The following SLC9A1 variants were observed in gnomAD, a reference collection of about 807,000 sequenced individuals.
The protein encoded by SLC9A1 is solute carrier family 9 member A1.
SLC9A1 carries 22 observed loss-of-function variants against 67.9 expected under a neutral mutation model. The ratio of observed to expected loss-of-function variants is 0.32; its 90% CI spans 0.23 to 0.46. The LOEUF (loss-of-function observed/expected upper bound fraction) is 0.46. Among genes scored for constraint, SLC9A1 ranks in the 20% least tolerant of loss-of-function variants. The probability of loss-of-function intolerance (pLI) is 1.00; values close to 1 mark genes in which losing one functional copy is unlikely to be tolerated. For synonymous variants in SLC9A1, 421 were observed against 471.8 expected, an observed-to-expected ratio of 0.89 and a Z score of 1.40; for missense variants, 686 against 1,094.8, an observed-to-expected ratio of 0.63 and a Z score of 5.27.
Position 27,118,332 on chromosome 1 carries a change from C to T in SLC9A1, c.353-4046G>A, listed in dbSNP as rs2083285016. On this transcript the variant is annotated intron_variant, in intron 1 of 11. Transcript: ENST00000263980. This position sits in a 1 kb window ranked among gnomAD's most constrained non-coding sequence, Gnocchi z 4.3. ...GGGTAGGTGGCACATTATTGGAAAGCACTTCTAGGGCTGGGGGAGGAAGGG... is the reference window on the plus strand; with the variant it reads ...GGGTAGGTGGCACATTATTGGAAAGTACTTCTAGGGCTGGGGGAGGAAGGG... Among the ~76,000 whole-genome samples, 1 of 152,210 alleles carries T rather than the reference C, an allele frequency of 6.6e-6. No homozygotes were observed. Among genetic ancestry groups the T allele is most frequent in the Non-Finnish European group, 1.5e-5 (1 of 68,038 alleles).
chr1:27,114,126 C>T lies in SLC9A1; in HGVS notation c.513G>A (p.Leu171=). The change falls in exon 2 of 12, where the codon CTG becomes CTA. Residue 171 remains leucine, a synonymous_variant. Transcript: ENST00000263980. The surrounding 1 kb of genome is among the most constrained non-coding windows in gnomAD (Gnocchi z 5.4). ...GCAGTGGCAGGAAGTAGCCCGCATC[C>T]AGGATGATGGGCGGCAGCAGGAAGA... The part of the protein sequence containing the change: ...FFLFLLPPII[L]DAGYFLPLRQ... The T allele has an allele frequency of 6.2e-7, 1 of 1,614,194 alleles. No individual in the cohort carries two copies. The highest frequency in any genetic ancestry group is 2.2e-5 in the East Asian group (1 of 44,884).
At chr1:27,134,176 G>A (rs530001799) in intron 1 of SLC9A1, among the ~76,000 whole-genome samples, 2 of 152,226 alleles carry the variant, frequency 1.3e-5, no homozygotes, top group East Asian at 3.9e-4. Context: ...ACCCTCCAGG[G>A]GAGTTCCCAC....
At chr1:27,133,345 C>T (rs895981600) in intron 1 of SLC9A1, among the ~76,000 whole-genome samples, 10 of 152,006 alleles carry the variant, frequency 6.6e-5, no homozygotes, top group African/African-American at 2.2e-4. Context: ...GCTGTGATTA[C>T]AGGCATGAGC....
chr1:27,152,098 T>C (rs1436960607), intron 1 of SLC9A1, among the ~76,000 whole-genome samples: 1 of 152,216 alleles, frequency 6.6e-6, no homozygotes, highest in Non-Finnish European at 1.5e-5. Context: ...CAGGTTTTCC[T>C]GACTTCTAGA....
rs768797791 is a variant in SLC9A1, at chr1:27,154,026, G to A, written c.309C>T (p.Phe103=). 2.2e-5 allele frequency: 35 copies of A among 1,595,628 alleles called. 1 individual carries two copies. The South Asian group carries it at 3.6e-4, about 16-fold the overall frequency. ...CCAGAAGGATCCAGAGGGAGATCTC[G>A]AAGGGGGTGCGCACGTGTGTGTAGT... ...GIDYTHVRTP[F]EISLWILLAC... The change falls in exon 1 of 12, where the codon TTC becomes TTT. Residue 103 remains phenylalanine (F), a synonymous_variant. Coordinates refer to ENST00000263980, the MANE Select transcript of SLC9A1 (RefSeq NM_003047.5).
At chr1:27,143,524 G>A (rs2083464602) in intron 1 of SLC9A1, among the ~76,000 whole-genome samples, 1 of 152,176 alleles carries the variant, frequency 6.6e-6, no homozygotes, top group African/African-American at 2.4e-5. Context: ...TTTGAAGCCA[G>A]GGCTCAATGA....
chr1:27,134,698 G>A (rs774153604), intron 1 of SLC9A1, among the ~76,000 whole-genome samples: 60 of 152,262 alleles, frequency 3.9e-4, no homozygotes, highest in African/African-American at 1.1e-3. Context: ...CAAAAGATCC[G>A]ATTTAATTTA....
Position 27,115,820 on chromosome 1 carries a change from T to G in SLC9A1, c.353-1534A>C, listed in dbSNP as rs146732861. 6.2e-3 allele frequency among the ~76,000 whole-genome samples: 941 copies of G among 152,086 alleles called. 3 individuals are homozygous for G. The highest frequency in any genetic ancestry group is 0.014 in the South Asian group (65 of 4,814). On this transcript the variant is annotated intron_variant, in intron 1 of 11. Transcript: ENST00000263980. ...GCTCTGTGCAGGCAGATCCCATAAC[T>G]GCTTATCATTATACACCCAGGGCTA...
chr1:27,132,572 G>A (rs2124188230), intron 1 of SLC9A1, among the ~76,000 whole-genome samples: 1 of 152,258 alleles, frequency 6.6e-6, no homozygotes, highest in African/African-American at 2.4e-5. Context: ...CACAGGGTCA[G>A]GTGAGGACCA....
chr1:27,150,806 G>C (rs901634669), intron 1 of SLC9A1, among the ~76,000 whole-genome samples: 1 of 152,026 alleles, frequency 6.6e-6, no homozygotes, highest in Non-Finnish European at 1.5e-5. Context: ...GAGTCTACCC[G>C]AGGCTCTGCT....
intron 2 of SLC9A1, among the ~76,000 whole-genome samples, chr1:27,110,203 G>A (rs867205830): frequency 2.0e-5 from 3 of 152,334 alleles, no homozygotes; most frequent in Admixed American, 6.5e-5. Flanking sequence ...CTTACCTGAT[G>A]CAGTGTTAGC....
chr1:27,133,699 G>A (rs1318446462), intron 1 of SLC9A1, among the ~76,000 whole-genome samples: 1 of 152,022 alleles, frequency 6.6e-6, no homozygotes, highest in Non-Finnish European at 1.5e-5. Context: ...AGAGGATGTT[G>A]GGCATACTTC....
At chr1:27,113,771 G>T in intron 2 of SLC9A1, 55 bp downstream of exon 2, 1 of 1,329,884 alleles carries the variant, frequency 7.5e-7, no homozygotes, top group Non-Finnish European at 1.1e-6. Context: ...TCACTGGTGG[G>T]CCTGGATTTG....
intron 1 of SLC9A1, among the ~76,000 whole-genome samples, chr1:27,117,874 G>A (rs1316027455): frequency 6.6e-6 from 1 of 152,208 alleles, no homozygotes; most frequent in East Asian, 1.9e-4. Context: ...TCTGAGCCAG[G>A]CCATATGGGA....
In SLC9A1 at chr1:27,134,305, T is replaced by C. The variant is rs75371701; in HGVS notation, c.352+19678A>G. Among the ~76,000 whole-genome samples, 1,175 of 152,310 alleles carry C rather than the reference T, an allele frequency of 7.7e-3. 13 individuals carry two copies. Among genetic ancestry groups the C allele is most frequent in the African/African-American group, 0.026 (1,090 of 41,574 alleles). On this transcript the variant is annotated intron_variant, in intron 1 of 11. Coordinates refer to ENST00000263980, the MANE Select transcript of SLC9A1 (RefSeq NM_003047.5). ...GGCTACAGTTTCCTCACAGATAAGA[T>C]GATGGGGCTGGGTTAACTTCTCCAA...
rs2083209182 is a variant in SLC9A1 at position 27,109,037 on chromosome 1, C to T, written c.1064+490G>A. Among the ~76,000 whole-genome samples the T allele has an allele frequency of 6.6e-6, 1 of 152,126 alleles. No homozygotes were observed. The highest frequency in any genetic ancestry group is 1.5e-5 in the Non-Finnish European group (1 of 68,008). Reference sequence around the variant, plus strand: ...TTGCTCGGCACTGGAACACCTTCACCCCTCACTGCCTCCCCACATCCCATT... The same window carrying T: ...TTGCTCGGCACTGGAACACCTTCACTCCTCACTGCCTCCCCACATCCCATT... On this transcript the variant is annotated intron_variant, in intron 3 of 11. Coordinates refer to ENST00000263980, the MANE Select transcript of SLC9A1 (RefSeq NM_003047.5). This position sits in a 1 kb window ranked among gnomAD's most constrained non-coding sequence, Gnocchi z 5.5.
In SLC9A1 at chr1:27,131,947, A is replaced by AAAAAAAAAT; in HGVS notation, c.353-17662_353-17661insATTTTTTTT. Among the ~76,000 whole-genome samples, 16 of 52,112 alleles carry AAAAAAAAAT rather than the reference A, an allele frequency of 3.1e-4. 1 individual carries two copies. The South Asian group carries it at 3.1e-3, about 10-fold the overall frequency. 34.2% of individuals were successfully genotyped at this position (52,112 alleles called of 152,430 possible). A position where few individuals can be genotyped will look rare whatever the true frequency, so the allele number is the denominator to read the frequency against. On this transcript the variant is annotated intron_variant, in intron 1 of 11. Transcript: ENST00000263980. ...AAAAGAAGAAGAAGAAGAAAAAAAA[A>AAAAAAAAAT]ATATATATATATATATATATATATA...
chr1:27,140,978 T>TG (rs958905075), intron 1 of SLC9A1, among the ~76,000 whole-genome samples: 9 of 152,126 alleles, frequency 5.9e-5, no homozygotes, highest in African/African-American at 2.2e-4. Flanking sequence ...GAGGACAAGC[T>TG]GGGGGGATCA....
chr1:27,134,704 AT>A (rs1317000907), intron 1 of SLC9A1, among the ~76,000 whole-genome samples: 1 of 152,188 alleles, frequency 6.6e-6, no homozygotes, highest in Non-Finnish European at 1.5e-5. Context: ...ATCCGATTTA[AT>A]TTAAAAAGTT....
Sources: gnomAD v4.1 joint callset for allele counts (sites outside exome capture counted in the v4.1 genomes callset) on GRCh38, gnomAD v4.1.1 for gene constraint, Gnocchi (gnomAD v3.1) non-coding constraint, MANE v1.5 for transcripts, NCBI Gene and HGNC (gene_info 2026-07-23, HGNC 2026-07-21) for gene names.